EMP2: variants seen among roughly 807,000 people sequenced by gnomAD.
The protein encoded by EMP2 is epithelial membrane protein 2.
In EMP2, 19 loss-of-function variants were observed where a neutral mutation model predicts 13.7. That is an observed-to-expected ratio of 1.38 (90% CI 0.97 to 2.03). The LOEUF (loss-of-function observed/expected upper bound fraction) is 2.03. Among genes scored for constraint, EMP2 ranks in the 30% most tolerant of loss-of-function variants. The probability of loss-of-function intolerance (pLI) is 0.00; values close to 1 mark genes in which losing one functional copy is unlikely to be tolerated. For missense variants in EMP2, 253 were observed against 220.7 expected (o/e 1.15, Z -0.93); for synonymous variants, 97 against 84.7 (o/e 1.15, Z -0.80).
intron 1 of EMP2, among the ~76,000 whole-genome samples, chr16:10,551,881 A>C (rs751866901): frequency 6.6e-6 from 1 of 152,116 alleles, no homozygotes; most frequent in Non-Finnish European, 1.5e-5. Context: ...TCATGGGCTC[A>C]TACAGGGTCC....
intron 1 of EMP2, among the ~76,000 whole-genome samples, chr16:10,552,730 G>A (rs1353183794): frequency 6.6e-6 from 1 of 152,190 alleles, no homozygotes; most frequent in African/African-American, 2.4e-5. Context: ...GAACAATTTA[G>A]GGAAAATGTT....
At chr16:10,559,980 G>A (rs1471076869) in intron 1 of EMP2, among the ~76,000 whole-genome samples, 1 of 152,114 alleles carries the variant, frequency 6.6e-6, no homozygotes, top group Non-Finnish European at 1.5e-5. Context: ...CAGCAGCCTT[G>A]TTTTACAGGT....
intron 1 of EMP2, among the ~76,000 whole-genome samples, chr16:10,565,210 G>A (rs1336101768): frequency 1.3e-5 from 2 of 152,184 alleles, no homozygotes; most frequent in Non-Finnish European, 2.9e-5. Context: ...AATGCTATGT[G>A]TCTGGTCCAA....
chr16:10,537,899 TTGTTAGGGAAG>T lies in EMP2; in HGVS notation c.316+18_316+28del, dbSNP rs748062381. The stretch of plus-strand genomic sequence containing the variant: ...GGGAGTGCTTATTCCAGAAAGCCCC[TTGTTAGGGAAG>T]CCCGTTGATGTACTTACATGACATT... On this transcript the variant is annotated intron_variant, in intron 4 of 4. Transcript: ENST00000359543. 7 of 1,607,714 alleles carry T rather than the reference TTGTTAGGGAAG, an allele frequency of 4.4e-6. No individual in the cohort carries two copies. The Admixed American group carries it at 5.0e-5, about 12-fold the overall frequency.
intron 2 of EMP2, chr16:10,545,614 C>T (rs926086916): frequency 6.2e-6 from 1 of 160,980 alleles, no homozygotes; most frequent in African/African-American, 2.4e-5. Flanking sequence ...CTCCCATCAC[C>T]CCCAGATGGG....
Position 10,530,061 on chromosome 16 carries a change from G to A in EMP2, c.*2844C>T, listed in dbSNP as rs1278853301. 6.6e-6 allele frequency: 1 copy of A among 152,122 alleles called. No homozygotes were observed. The highest frequency in any genetic ancestry group is 6.6e-5 in the Admixed American group (1 of 15,262). The allele number at this position is 152,122 out of a possible 1,614,324, so 9.4% of individuals were successfully genotyped here. A position where few individuals can be genotyped will look rare whatever the true frequency, so the allele number is the denominator to read the frequency against. ...GTAGCATCCTGTTAACCCTAGGGGTGTAAGCCACATTCTTGCCCACAATAT... is the reference window on the plus strand; with the variant it reads ...GTAGCATCCTGTTAACCCTAGGGGTATAAGCCACATTCTTGCCCACAATAT... On this transcript the variant is annotated 3_prime_UTR_variant, in exon 5 of 5. Coordinates refer to ENST00000359543, the MANE Select transcript of EMP2 (RefSeq NM_001424.6).
At chr16:10,562,908 A>G (rs1259273571) in intron 1 of EMP2, among the ~76,000 whole-genome samples, 1 of 152,182 alleles carries the variant, frequency 6.6e-6, no homozygotes, top group South Asian at 2.1e-4. Flanking sequence ...GGCTGCTGTC[A>G]TCCAAGGAGC....
chr16:10,565,325 G>A (rs1238027809), intron 1 of EMP2, among the ~76,000 whole-genome samples: 1 of 152,192 alleles, frequency 6.6e-6, no homozygotes, highest in African/African-American at 2.4e-5. Flanking sequence ...AGTGGACTCT[G>A]AGTCAAGCAG....
intron 2 of EMP2, chr16:10,547,125 C>T (rs1335370808): frequency 6.4e-6 from 1 of 156,474 alleles, no homozygotes; most frequent in Non-Finnish European, 1.4e-5. Flanking sequence ...GGGTTCTCAA[C>T]CTGTGATATG....
At chr16:10,548,955 G>A (rs979259466) in intron 1 of EMP2, among the ~76,000 whole-genome samples, 2 of 152,032 alleles carry the variant, frequency 1.3e-5, no homozygotes, top group Admixed American at 6.6e-5. Context: ...GATGAAGAGG[G>A]CAGCAGGTAC....
chr16:10,542,791 T>C (rs1384797476), intron 3 of EMP2, among the ~76,000 whole-genome samples: 2 of 152,230 alleles, frequency 1.3e-5, no homozygotes, highest in Non-Finnish European at 2.9e-5. Context: ...GATGTTGAAA[T>C]TGACATGCCC....
In EMP2 at chr16:10,532,282, G is replaced by T. The variant is rs2142164381; in HGVS notation, c.*623C>A. The T allele has an allele frequency of 6.5e-6, 1 of 154,380 alleles. No homozygotes were observed. The highest frequency in any genetic ancestry group is 2.0e-4 in the South Asian group (1 of 4,892). 9.6% of individuals were successfully genotyped at this position (154,380 alleles called of 1,614,324 possible). On this transcript the variant is annotated 3_prime_UTR_variant, in exon 5 of 5. Coordinates refer to ENST00000359543, the MANE Select transcript of EMP2 (RefSeq NM_001424.6). ...TTAAGGATGACCATTCCTAAGGCAA[G>T]CAGGTGACACTGTCGGCAAATTGAG...
chr16:10,569,286 TA>T (rs1051635989), intron 1 of EMP2, among the ~76,000 whole-genome samples: 9 of 152,234 alleles, frequency 5.9e-5, no homozygotes, highest in Non-Finnish European at 1.0e-4. Context: ...CAGTTTTCCT[TA>T]AAACACATTA....
In EMP2 at chr16:10,533,139, C is replaced by T. The variant is rs779250815; in HGVS notation, c.317-47G>A. On this transcript the variant is annotated intron_variant, in intron 4 of 4. Coordinates refer to ENST00000359543, the MANE Select transcript of EMP2 (RefSeq NM_001424.6). ...TTTCAATAAATCATGGACCACAGTG[C>T]ACCCTGGGTAGCCCAGGGGCATACG... 7.6e-6 allele frequency: 11 copies of T among 1,447,970 alleles called. No individual in the cohort carries two copies. The East Asian group carries it at 2.8e-4, about 37-fold the overall frequency. 89.7% of individuals were successfully genotyped at this position (1,447,970 alleles called of 1,614,324 possible). A position where few individuals can be genotyped will look rare whatever the true frequency, so the allele number is the denominator to read the frequency against.
At chr16:10,550,240 G>T (rs2050776629) in intron 1 of EMP2, among the ~76,000 whole-genome samples, 1 of 152,088 alleles carries the variant, frequency 6.6e-6, no homozygotes, top group African/African-American at 2.4e-5. Context: ...AATTTAACGT[G>T]ATACAATATA....
rs1429165404 is a variant in EMP2, at chr16:10,530,533, T to C, written c.*2372A>G. The C allele has an allele frequency of 6.6e-6, 1 of 152,500 alleles. No homozygotes were observed. The highest frequency in any genetic ancestry group is 1.5e-5 in the Non-Finnish European group (1 of 68,066). The allele number at this position is 152,500 out of a possible 1,614,324, so 9.4% of individuals were successfully genotyped here. ...CAGCCCCCAGCATCCTGCTCCAACA[T>C]AAGCAGAAAAAGACAATGAGGTGCA... On this transcript the variant is annotated 3_prime_UTR_variant, in exon 5 of 5. Coordinates refer to ENST00000359543, the MANE Select transcript of EMP2 (RefSeq NM_001424.6).
In EMP2 at chr16:10,573,354, G is replaced by A. The variant is rs557781539; in HGVS notation, c.-61+7195C>T. 1.6e-4 allele frequency among the ~76,000 whole-genome samples: 24 copies of A among 152,204 alleles called. No individual in the cohort carries two copies. The South Asian group carries it at 2.3e-3, about 14-fold the overall frequency. ...GGCCTGAGCCACCACACCTGGCCACGGTTAACCCCCATGAACAGCATCCAG... is the reference window on the plus strand; with the variant it reads ...GGCCTGAGCCACCACACCTGGCCACAGTTAACCCCCATGAACAGCATCCAG... On this transcript the variant is annotated intron_variant, in intron 1 of 4. Coordinates refer to ENST00000359543, the MANE Select transcript of EMP2 (RefSeq NM_001424.6).
chr16:10,537,059 T>TA (rs1394789435), intron 4 of EMP2, among the ~76,000 whole-genome samples: 3 of 152,050 alleles, frequency 2.0e-5, no homozygotes, highest in East Asian at 1.9e-4. Context: ...AGGTGGTAGT[T>TA]AGAGTGGTTA....
intron 1 of EMP2, among the ~76,000 whole-genome samples, chr16:10,558,820 G>A (rs74495142): frequency 6.6e-6 from 1 of 152,004 alleles, no homozygotes; most frequent in African/African-American, 2.4e-5. Flanking sequence ...CTGGCTTCCC[G>A]CGGAGAGAGA....
Sources: allele counts gnomAD v4.1 joint callset (sites outside exome capture counted in the v4.1 genomes callset), GRCh38; gene constraint gnomAD v4.1.1; transcripts MANE v1.5; gene names NCBI Gene and HGNC (gene_info 2026-07-23, HGNC 2026-07-21).